The following SLC12A6 variants were observed in gnomAD, a reference collection of about 807,000 sequenced individuals.
The protein encoded by SLC12A6 is solute carrier family 12 member 6, also known as K-Cl cotransporter 3.
Under a neutral mutation model 135.3 loss-of-function variants are expected in SLC12A6, and 66 were observed. That is an observed-to-expected ratio of 0.49 (90% CI 0.40 to 0.60). The LOEUF is 0.60. Ranked by LOEUF, SLC12A6 falls within the 20% of genes least tolerant of loss-of-function variation. The pLI, the probability that SLC12A6 is intolerant of heterozygous loss-of-function variation, is 0.00. For synonymous variants in SLC12A6, 513 were observed against 508.8 expected (o/e 1.01, Z -0.11); for missense variants, 1,058 against 1,452.3 (o/e 0.73, Z 4.41).
Position 34,250,746 on chromosome 15 carries a change from G to GA in SLC12A6, c.1493-18dup, listed in dbSNP as rs532293212. 118 of 1,509,554 alleles carry GA rather than the reference G, an allele frequency of 7.8e-5. No homozygotes were observed. In the African/African-American group the frequency reaches 1.3e-3, roughly 16 times the overall value. 93.5% of individuals were successfully genotyped at this position (1,509,554 alleles called of 1,614,324 possible). A position where few individuals can be genotyped will look rare whatever the true frequency, so the allele number is the denominator to read the frequency against. On this transcript the variant is annotated splice_polypyrimidine_tract_variant and intron_variant, in intron 11 of 25. Transcript: ENST00000354181. ...CCATGATACCTTTAGAGATAAGGGG[G>GA]AAAAAACCAAGTTAACTTCTTGGAC...
At chr15:34,236,347 C>T in intron 23 of SLC12A6, 148 bp from the exon 24 acceptor site, 1 of 708,886 alleles carries the variant, frequency 1.4e-6, no homozygotes, top group East Asian at 2.7e-5. Flanking sequence ...TAGTATCATC[C>T]CTTTTTTTTT....
intron 13 of SLC12A6, among the ~76,000 whole-genome samples, chr15:34,247,810 T>A (rs774922817): frequency 3.9e-5 from 6 of 152,094 alleles, no homozygotes; most frequent in Non-Finnish European, 7.4e-5. Flanking sequence ...GTTCAAGTGA[T>A]CTTTCTGCCT....
At chr15:34,295,961 T>C (rs903370192) in intron 2 of SLC12A6, among the ~76,000 whole-genome samples, 3 of 152,144 alleles carry the variant, frequency 2.0e-5, no homozygotes, top group African/African-American at 7.2e-5. Flanking sequence ...GATCACGCCA[T>C]TGTACTCCAG....
chr15:34,238,826 C>T (rs1330304854), intron 20 of SLC12A6, 139 bp downstream of exon 20: 3 of 796,198 alleles, frequency 3.8e-6, no homozygotes, highest in African/African-American at 1.7e-5. Flanking sequence ...GGTATTACTA[C>T]CAATAGTTTT....
intron 2 of SLC12A6, among the ~76,000 whole-genome samples, chr15:34,282,881 T>C (rs1894779273): frequency 6.6e-6 from 1 of 152,226 alleles, no homozygotes; most frequent in Non-Finnish European, 1.5e-5. Flanking sequence ...TTCTGTAGTT[T>C]TACCAAGTGC....
At position 34,233,857 on chromosome 15, in the gene SLC12A6, T is replaced by C. The variant is rs760605080; in HGVS notation, c.*24A>G. On this transcript the variant is annotated 3_prime_UTR_variant, in exon 26 of 26. Coordinates refer to ENST00000354181, the MANE Select transcript of SLC12A6 (RefSeq NM_001365088.1). The stretch of plus-strand genomic sequence containing the variant: ...GACGTAGGCCTTTTAAGAAAACAGG[T>C]CAAGCACGGTCATTCAGAGTAGGTT... The C allele has an allele frequency of 7.5e-7, 1 of 1,331,890 alleles. No individual in the cohort carries two copies. The highest frequency in any genetic ancestry group is 1.7e-5 in the Admixed American group (1 of 59,642). The allele number at this position is 1,331,890 out of a possible 1,614,324, so 82.5% of individuals were successfully genotyped here.
intron 2 of SLC12A6, among the ~76,000 whole-genome samples, chr15:34,309,213 G>C (rs1387026767): frequency 6.6e-6 from 1 of 152,112 alleles, no homozygotes; most frequent in Non-Finnish European, 1.5e-5. Flanking sequence ...GCCAAAGCAA[G>C]AAATTCTCGA....
chr15:34,252,255 G>T lies in SLC12A6; in HGVS notation c.1248C>A (p.Phe416Leu), dbSNP rs549961698. The T allele has an allele frequency of 6.8e-6, 11 of 1,608,838 alleles. No homozygotes were observed. The South Asian group carries it at 1.1e-4, about 16-fold the overall frequency. The change falls in exon 10 of 26, where the codon TTC (phenylalanine) becomes TTA (leucine). Residue 416 changes from phenylalanine to leucine, a missense_variant. Around this residue, in one of 6 missense-constraint regions of SLC12A6, gnomAD observed 297 missense variants for 318.5 expected, o/e 0.93. Transcript: ENST00000354181. ...WGFFCNSSQF[F>L]NATCDEYFVH... is the part of the protein sequence containing the mutation. ...CAAAGTATTCATCACAGGTGGCATT[G>T]AAAAATTGACTCGAGTTACAGAAGA... is the stretch of plus-strand genomic sequence containing the variant.
intron 10 of SLC12A6, 93 bp from the exon 11 acceptor site, chr15:34,251,150 A>G: frequency 1.1e-6 from 1 of 936,374 alleles, no homozygotes; most frequent in Non-Finnish European, 1.7e-6. Flanking sequence ...CAGGCTCCTC[A>G]TTTATACAGT....
At position 34,336,707 on chromosome 15, in the gene SLC12A6, TG is replaced by T. The variant is rs1193748720; in HGVS notation, c.-28del. 1.2e-6 allele frequency: 2 copies of T among 1,610,132 alleles called. No homozygotes were observed. Among genetic ancestry groups the T allele is most frequent in the Non-Finnish European group, 1.7e-6 (2 of 1,176,478 alleles). On this transcript the variant is annotated 5_prime_UTR_variant, in exon 2 of 26. Transcript: ENST00000354181. ...TTGTTCTTTTTAAGAACAAAAAAAGTGGGGGGAACCTCGCAAAATCTTCCTC... is the reference window on the plus strand; with the variant it reads ...TTGTTCTTTTTAAGAACAAAAAAAGTGGGGGAACCTCGCAAAATCTTCCTC...
chr15:34,299,147 G>A (rs1040354217), intron 2 of SLC12A6, among the ~76,000 whole-genome samples: 1 of 152,138 alleles, frequency 6.6e-6, no homozygotes, highest in African/African-American at 2.4e-5. Context: ...TTCCTACTTT[G>A]AAATCTCAGG....
intron 2 of SLC12A6, among the ~76,000 whole-genome samples, chr15:34,283,275 A>G (rs567158928): frequency 9.4e-4 from 143 of 152,310 alleles, no homozygotes; most frequent in African/African-American, 3.2e-3. Flanking sequence ...CCTAGGAGGC[A>G]GAGGTTGCAG....
chr15:34,321,529 C>T (rs1424742401), intron 2 of SLC12A6, among the ~76,000 whole-genome samples: 1 of 152,188 alleles, frequency 6.6e-6, no homozygotes, highest in Non-Finnish European at 1.5e-5. Context: ...AACTTTCATA[C>T]ACTGTTGTTG....
intron 2 of SLC12A6, among the ~76,000 whole-genome samples, chr15:34,306,750 G>A (rs1042727279): frequency 1.2e-4 from 18 of 152,198 alleles, no homozygotes; most frequent in Non-Finnish European, 2.9e-5. Flanking sequence ...CCACTGTAAA[G>A]TCCAAACATC....
At chr15:34,259,837 G>A (rs1420101724) in intron 4 of SLC12A6, among the ~76,000 whole-genome samples, 2 of 152,158 alleles carry the variant, frequency 1.3e-5, no homozygotes, top group Non-Finnish European at 2.9e-5. Flanking sequence ...AAATAAGCCA[G>A]GCACAGAAAG....
chr15:34,233,879 G>T lies in SLC12A6; in HGVS notation c.*2C>A, dbSNP rs1891081115. 3.9e-6 allele frequency: 6 copies of T among 1,531,288 alleles called. No individual in the cohort carries two copies. The highest frequency in any genetic ancestry group is 5.4e-6 in the Non-Finnish European group (6 of 1,104,514). 94.9% of individuals were successfully genotyped at this position (1,531,288 alleles called of 1,614,324 possible). ...AGGTCAAGCACGGTCATTCAGAGTA[G>T]GTTATGAATAAATGGTGATCACTTC... On this transcript the variant is annotated 3_prime_UTR_variant, in exon 26 of 26. Transcript: ENST00000354181.
chr15:34,240,413 T>A (rs1192010753), intron 19 of SLC12A6, among the ~76,000 whole-genome samples: 1 of 152,332 alleles, frequency 6.6e-6, no homozygotes, highest in African/African-American at 2.4e-5. Flanking sequence ...GTTTGGAGTA[T>A]ATTTGAACAT....
chr15:34,250,066 G>A (rs917132257), intron 13 of SLC12A6, among the ~76,000 whole-genome samples: 1 of 152,076 alleles, frequency 6.6e-6, no homozygotes, highest in Non-Finnish European at 1.5e-5. Context: ...CACCACACCT[G>A]GCTAATTTTT....
intron 18 of SLC12A6, 200 bp downstream of exon 18, chr15:34,241,033 G>T: frequency 4.6e-6 from 3 of 651,638 alleles, no homozygotes; most frequent in East Asian, 2.7e-5. Flanking sequence ...CTTCAAGGAA[G>T]AATAATAAAT....
Sources: allele counts gnomAD v4.1 joint callset (sites outside exome capture counted in the v4.1 genomes callset), GRCh38; gene constraint gnomAD v4.1.1; regional missense constraint gnomAD v4.1.1; transcripts MANE v1.5; gene names NCBI Gene and HGNC (gene_info 2026-07-23, HGNC 2026-07-21).